The following IL1RAPL2 variants were observed in gnomAD, a reference collection of about 807,000 sequenced individuals.
IL1RAPL2 encodes interleukin 1 receptor accessory protein like 2, also known as X-linked interleukin-1 receptor accessory protein-like 2.
Under a neutral mutation model 44.1 loss-of-function variants are expected in IL1RAPL2, and 3 were observed. That is an observed-to-expected ratio of 0.07 (90% confidence interval 0.03 to 0.18). The LOEUF (loss-of-function observed/expected upper bound fraction) is 0.18, where lower values mean the gene tolerates loss of function less well. Ranked by LOEUF, IL1RAPL2 falls within the 10% of genes least tolerant of loss-of-function variation. The pLI, the probability that IL1RAPL2 is intolerant of heterozygous loss-of-function variation, is 1.00. For missense variants in IL1RAPL2, 391 were observed against 496.4 expected, an observed-to-expected ratio of 0.79 and a Z score of 2.02; for synonymous variants, 181 against 178.8, an observed-to-expected ratio of 1.01 and a Z score of -0.10.
At chrX:105,204,787 T>A (rs2033747523) in intron 3 of IL1RAPL2, among the ~76,000 whole-genome samples, 2 of 111,546 alleles carry the variant, frequency 1.8e-5, no homozygotes, top group African/African-American at 6.5e-5. Context: ...ACTACTCAGG[T>A]TCAACCAGGG....
intron 5 of IL1RAPL2, among the ~76,000 whole-genome samples, chrX:105,429,995 A>G (rs1258088198): frequency 9.0e-6 from 1 of 111,494 alleles, no homozygotes; most frequent in Non-Finnish European, 1.9e-5. Context: ...TGTAAATACC[A>G]AATAAAATAG....
intron 2 of IL1RAPL2, among the ~76,000 whole-genome samples, chrX:105,054,676 T>A (rs142362529): frequency 2.8e-4 from 32 of 112,404 alleles, no homozygotes; most frequent in African/African-American, 1.0e-3. Flanking sequence ...GTTAATTAGA[T>A]ACACGTGGCT....
intron 6 of IL1RAPL2, among the ~76,000 whole-genome samples, chrX:105,645,590 T>G (rs780902054): frequency 8.9e-6 from 1 of 112,188 alleles, no homozygotes; most frequent in South Asian, 3.7e-4. Context: ...TTCTGCCATT[T>G]ATTAGCTGTG....
At chrX:105,713,106 T>G (rs2038225246) in intron 6 of IL1RAPL2, among the ~76,000 whole-genome samples, 1 of 112,377 alleles carries the variant, frequency 8.9e-6, no homozygotes, top group African/African-American at 3.2e-5. Context: ...CTTCATGGGC[T>G]GGTGTTGAGT....
chrX:104,953,264 A>G lies in IL1RAPL2; in HGVS notation c.83-242211A>G, dbSNP rs185856727. ...AGAAGATTAACAAGTCAAGAAGTAC[A>G]TATTTACAGTGTGCTGAGTACTCTT... On this transcript the variant is annotated intron_variant, in intron 2 of 10. Coordinates refer to ENST00000372582, the MANE Select transcript of IL1RAPL2 (RefSeq NM_017416.2). Among the ~76,000 whole-genome samples, 359 of 111,900 alleles carry G rather than the reference A, an allele frequency of 3.2e-3. 1 individual carries two copies. Among genetic ancestry groups the G allele is most frequent in the African/African-American group, 0.011 (327 of 30,863 alleles).
intron 1 of IL1RAPL2, among the ~76,000 whole-genome samples, chrX:104,575,539 C>T (rs1928228742): frequency 9.0e-6 from 1 of 111,255 alleles, no homozygotes; most frequent in South Asian, 3.8e-4. Flanking sequence ...ATTTTCTGCT[C>T]TAACTAGACA....
intron 2 of IL1RAPL2, among the ~76,000 whole-genome samples, chrX:105,092,958 AT>A (rs2032562279): frequency 9.0e-6 from 1 of 111,530 alleles, no homozygotes; most frequent in Non-Finnish European, 1.9e-5. Context: ...GTAAAAAAAA[AT>A]AATAGGCAGA....
At chrX:104,860,132 A>G (rs1043315045) in intron 2 of IL1RAPL2, among the ~76,000 whole-genome samples, 1 of 111,863 alleles carries the variant, frequency 8.9e-6, no homozygotes, top group Admixed American at 9.5e-5. Flanking sequence ...TCAGGCTGTC[A>G]GGACCAAGGA....
At chrX:105,093,972 T>C (rs1248958415) in intron 2 of IL1RAPL2, among the ~76,000 whole-genome samples, 2 of 111,982 alleles carry the variant, frequency 1.8e-5, no homozygotes, top group Non-Finnish European at 3.8e-5. Flanking sequence ...ACCAGGTCTT[T>C]GAGGTCAGTA....
chrX:105,665,364 T>C (rs1172937052), intron 6 of IL1RAPL2, among the ~76,000 whole-genome samples: 3 of 110,512 alleles, frequency 2.7e-5, no homozygotes, highest in Non-Finnish European at 5.7e-5. Context: ...TGTGTGTGTG[T>C]GTGTGTGTGT....
intron 2 of IL1RAPL2, among the ~76,000 whole-genome samples, chrX:104,977,322 G>C (rs976058511): frequency 3.6e-5 from 4 of 112,194 alleles, no homozygotes; most frequent in Non-Finnish European, 7.5e-5. Flanking sequence ...ACACTTGCCT[G>C]TTCACTCAGC....
chrX:105,315,995 C>T (rs932213004), intron 5 of IL1RAPL2, among the ~76,000 whole-genome samples: 1 of 110,699 alleles, frequency 9.0e-6, no homozygotes, highest in Non-Finnish European at 1.9e-5. Context: ...AAATATAGGC[C>T]AGGCGCAGTG....
chrX:105,722,751 T>TAAAC (rs899572479), intron 7 of IL1RAPL2, among the ~76,000 whole-genome samples: 24 of 111,483 alleles, frequency 2.2e-4, no homozygotes, highest in African/African-American at 6.8e-4. Flanking sequence ...GGGTAATTTA[T>TAAAC]AAACAACAGA....
intron 2 of IL1RAPL2, among the ~76,000 whole-genome samples, chrX:104,765,680 G>A (rs528059929): frequency 2.0e-3 from 227 of 112,095 alleles, no homozygotes; most frequent in Non-Finnish European, 3.4e-3. Context: ...CATTTTGGGA[G>A]TGACCATTTA....
chrX:105,083,984 A>C (rs6616564), intron 2 of IL1RAPL2, among the ~76,000 whole-genome samples: 45,991 of 111,244 alleles, frequency 0.41, 8,276 homozygotes, highest in East Asian at 0.74. Flanking sequence ...CAGAGGGTGC[A>C]AGTCCCAAGC....
At chrX:105,765,043 T>G (rs1210618420) in intron 10 of IL1RAPL2, 1 of 111,949 alleles carries the variant, frequency 8.9e-6, no homozygotes, top group African/African-American at 3.2e-5. Context: ...AATGAATTCA[T>G]AATTCACCTG....
intron 1 of IL1RAPL2, among the ~76,000 whole-genome samples, chrX:104,639,434 T>G (rs955746943): frequency 8.9e-6 from 1 of 112,218 alleles, no homozygotes; most frequent in East Asian, 2.8e-4. Flanking sequence ...AAGATTATTA[T>G]TGATCTGTGA....
chrX:104,906,008 G>C (rs1923988004), intron 2 of IL1RAPL2, among the ~76,000 whole-genome samples: 1 of 109,704 alleles, frequency 9.1e-6, no homozygotes, highest in African/African-American at 3.3e-5. Flanking sequence ...TCTCCTTGAA[G>C]AGGTCCTTCA....
chrX:104,942,980 A>G (rs1240456716), intron 2 of IL1RAPL2, among the ~76,000 whole-genome samples: 1 of 111,680 alleles, frequency 9.0e-6, no homozygotes. Flanking sequence ...GGTTCTGTTT[A>G]TATGGTGGAT....
Sources: gnomAD v4.1 joint callset for allele counts (sites outside exome capture counted in the v4.1 genomes callset) on GRCh38, gnomAD v4.1.1 for gene constraint, MANE v1.5 for transcripts, NCBI Gene and HGNC (gene_info 2026-07-23, HGNC 2026-07-21) for gene names.